Variants in C2CD3 observed in about 807,000 individuals in gnomAD.
The protein encoded by C2CD3 is C2 domain-containing protein 3.
C2CD3 carries 148 observed loss-of-function variants against 234.0 expected under a neutral mutation model. The observed-to-expected ratio is 0.63, with a 90% CI of 0.55 to 0.72. The LOEUF (loss-of-function observed/expected upper bound fraction) is 0.72, where lower values mean the gene tolerates loss of function less well. C2CD3 is among the 30% of genes least tolerant of loss of function. C2CD3 has a pLI of 0.00. For synonymous variants in C2CD3, 1,000 were observed against 1,035.4 expected (o/e 0.97, Z 0.66); for missense variants, 2,577 against 2,811.5 (o/e 0.92, Z 1.89).
At chr11:74,098,776 G>A (rs1194668179) in intron 15 of C2CD3, among the ~76,000 whole-genome samples, 1 of 152,166 alleles carries the variant, frequency 6.6e-6, no homozygotes, top group African/African-American at 2.4e-5. Flanking sequence ...AAGTAACTTA[G>A]CTAAGGATAC....
chr11:74,115,538 G>A (rs1293477301), intron 9 of C2CD3, among the ~76,000 whole-genome samples: 7 of 151,868 alleles, frequency 4.6e-5, no homozygotes, highest in African/African-American at 1.2e-4. Flanking sequence ...ATATGAAAAC[G>A]ACCATACTGC....
At chr11:74,112,558 T>C (rs1423977941) in intron 11 of C2CD3, among the ~76,000 whole-genome samples, 2 of 152,164 alleles carry the variant, frequency 1.3e-5, no homozygotes, top group East Asian at 3.8e-4. Flanking sequence ...ATCATAGATC[T>C]GATAAGGGGC....
chr11:74,105,111 CATG>C (rs1195686696), intron 13 of C2CD3, among the ~76,000 whole-genome samples: 2 of 152,130 alleles, frequency 1.3e-5, no homozygotes, highest in East Asian at 1.9e-4. Context: ...CATGAACCAG[CATG>C]ATACCTTACT....
chr11:74,134,833 C>A (rs1957805585), intron 5 of C2CD3, among the ~76,000 whole-genome samples: 1 of 152,074 alleles, frequency 6.6e-6, no homozygotes, highest in Non-Finnish European at 1.5e-5. Flanking sequence ...TCAAGCAATC[C>A]TCCCATCTCA....
chr11:74,165,120 T>C (rs1227837422), intron 2 of C2CD3, among the ~76,000 whole-genome samples: 1 of 152,204 alleles, frequency 6.6e-6, no homozygotes, highest in Non-Finnish European at 1.5e-5. Context: ...AAAATGATTT[T>C]AAACATCAAA....
chr11:74,123,102 C>T lies in C2CD3; in HGVS notation c.1251G>A (p.Gly417=). The change falls in exon 8 of 33, where the codon GGG becomes GGA. Residue 417 remains glycine (G), a synonymous_variant. Transcript: ENST00000334126. The stretch of plus-strand genomic sequence containing the variant: ...ATGGGGAATCTGGAGGAGAGCCTAG[C>T]CCATCCCAGAAATTGCCTTGGGATA... ...AELSQGNFWD[G]LGSPPDSPSP... The T allele has an allele frequency of 6.2e-7, 1 of 1,612,884 alleles. No homozygotes were observed. The highest frequency in any genetic ancestry group is 8.5e-7 in the Non-Finnish European group (1 of 1,178,872).
Position 74,139,829 on chromosome 11 carries a change from C to T in C2CD3, c.484-1G>A, listed in dbSNP as rs1590918793. ...ACAGAGGTTCCAGGGCAAGTGAGAC[C>T]TAAGAGAGACAGGTAGTATATGAGA... On this transcript the variant is annotated splice_acceptor_variant, in intron 3 of 32. Transcript: ENST00000334126. LOFTEE classifies it high-confidence loss of function. 1 of 1,582,506 alleles carries T rather than the reference C, an allele frequency of 6.3e-7. No homozygotes were observed. The highest frequency in any genetic ancestry group is 1.3e-5 in the African/African-American group (1 of 74,310).
At chr11:74,072,687 A>G (rs936535584) in intron 24 of C2CD3, among the ~76,000 whole-genome samples, 1 of 150,310 alleles carries the variant, frequency 6.7e-6, no homozygotes, top group East Asian at 2.0e-4. Context: ...CTAGAATGTA[A>G]TCTCCACAGG....
At chr11:74,089,270 C>T (rs923318405) in intron 20 of C2CD3, among the ~76,000 whole-genome samples, 2 of 152,048 alleles carry the variant, frequency 1.3e-5, no homozygotes, top group Non-Finnish European at 2.9e-5. Flanking sequence ...ACCCATATAA[C>T]AAATCTGCAC....
At chr11:74,168,757 C>T (rs1856966422) in intron 1 of C2CD3, 144 bp from the exon 2 acceptor site, 6 of 718,256 alleles carry the variant, frequency 8.4e-6, no homozygotes, top group Non-Finnish European at 1.4e-5. Context: ...TTTATCCTAC[C>T]CATTATTCTA....
intron 3 of C2CD3, among the ~76,000 whole-genome samples, chr11:74,159,027 C>T (rs1856248171): frequency 6.6e-6 from 1 of 152,144 alleles, no homozygotes; most frequent in Admixed American, 6.5e-5. Context: ...CAGGTAACAA[C>T]ATTTCCATCA....
chr11:74,113,646 C>T (rs760593894), intron 11 of C2CD3, 134 bp downstream of exon 11: 4 of 689,448 alleles, frequency 5.8e-6, no homozygotes, highest in Admixed American at 4.1e-5. Flanking sequence ...CGCCACCACA[C>T]TCCAGCCTGG....
At chr11:74,144,997 T>C (rs1341159770) in intron 3 of C2CD3, among the ~76,000 whole-genome samples, 4 of 152,222 alleles carry the variant, frequency 2.6e-5, no homozygotes, top group African/African-American at 9.6e-5. Context: ...GCTATAATTA[T>C]TTTTTAAATT....
chr11:74,112,585 C>T (rs1372844200), intron 11 of C2CD3, among the ~76,000 whole-genome samples: 1 of 151,864 alleles, frequency 6.6e-6, no homozygotes, highest in African/African-American at 2.4e-5. Context: ...CTAGGATATA[C>T]AAAGAACTCT....
Position 74,074,546 on chromosome 11 carries a change from C to G in C2CD3, c.4658G>C (p.Arg1553Pro). 1 of 1,614,100 alleles carries G rather than the reference C, an allele frequency of 6.2e-7. No homozygotes were observed. The highest frequency in any genetic ancestry group is 8.5e-7 in the Non-Finnish European group (1 of 1,180,010). ...NASNLSGAAL[R>P]VHVVLSSLSS... ...AAGAGAGGAAAGAACCACATGAACT[C>G]GCAAGGCAGCTCCTGAGAGGTTGGA... Residue 1553 changes from arginine to proline, a missense_variant, in exon 24 of 33, where the codon CGA becomes CCA. Coordinates refer to ENST00000334126, the MANE Select transcript of C2CD3 (RefSeq NM_001286577.2).
chr11:74,054,189 G>A (rs950474064), intron 26 of C2CD3, among the ~76,000 whole-genome samples: 5 of 151,298 alleles, frequency 3.3e-5, no homozygotes, highest in Non-Finnish European at 7.4e-5. Context: ...GGAGAATGGC[G>A]TGAACCTGGG....
chr11:74,049,691 G>C, intron 26 of C2CD3, 149 bp from the exon 27 acceptor site: 1 of 638,282 alleles, frequency 1.6e-6, no homozygotes, highest in East Asian at 2.8e-5. Flanking sequence ...AGTTGAGAGG[G>C]ACTGGCAACC....
chr11:74,162,748 G>C (rs1432224857), intron 2 of C2CD3, among the ~76,000 whole-genome samples: 1 of 152,148 alleles, frequency 6.6e-6, no homozygotes, highest in Non-Finnish European at 1.5e-5. Context: ...AAAGAGTATT[G>C]TTAAATGTAT....
At chr11:74,034,659 G>C in intron 30 of C2CD3, 1 of 1,457,684 alleles carries the variant, frequency 6.9e-7, no homozygotes, top group African/African-American at 1.4e-5. Flanking sequence ...TTTGATGACA[G>C]TTATTAAAAC....
Sources: gnomAD v4.1 joint callset for allele counts (sites outside exome capture counted in the v4.1 genomes callset) on GRCh38, gnomAD v4.1.1 for gene constraint, MANE v1.5 for transcripts, NCBI Gene and HGNC (gene_info 2026-07-23, HGNC 2026-07-21) for gene names.